Variants in MGAT4C observed in about 807,000 individuals in gnomAD.
MGAT4C encodes the protein alpha-1,3-mannosyl-glycoprotein 4-beta-N-acetylglucosaminyltransferase C.
Under a neutral mutation model 40.1 loss-of-function variants are expected in MGAT4C, and 19 were observed. The observed-to-expected ratio is 0.47, with a 90% CI of 0.33 to 0.70. The LOEUF (loss-of-function observed/expected upper bound fraction) is 0.70. Ranked by LOEUF, MGAT4C falls within the 30% of genes least tolerant of loss-of-function variation. The pLI, the probability that MGAT4C is intolerant of heterozygous loss-of-function variation, is 0.02. For missense variants in MGAT4C, 491 were observed against 563.2 expected, an observed-to-expected ratio of 0.87 and a Z score of 1.30; for synonymous variants, 181 against 187.1, an observed-to-expected ratio of 0.97 and a Z score of 0.27.
intron 1 of MGAT4C, among the ~76,000 whole-genome samples, chr12:86,775,848 AAT>A (rs35313350): frequency 2.0e-5 from 3 of 149,882 alleles, no homozygotes; most frequent in Admixed American, 6.6e-5. Flanking sequence ...TTTACCCTGA[AAT>A]ATATATATAT....
intron 1 of MGAT4C, among the ~76,000 whole-genome samples, chr12:86,764,038 C>A (rs1951453866): frequency 6.6e-6 from 1 of 152,064 alleles, no homozygotes; most frequent in South Asian, 2.1e-4. Flanking sequence ...GTGCACCGTG[C>A]ATGAGCCGAA....
chr12:86,460,498 A>C (rs1957581566), intron 2 of MGAT4C, among the ~76,000 whole-genome samples: 1 of 152,176 alleles, frequency 6.6e-6, no homozygotes, highest in Non-Finnish European at 1.5e-5. Flanking sequence ...TATCACATTA[A>C]AACTTATTAT....
chr12:86,567,824 C>T (rs1416330766), intron 2 of MGAT4C, among the ~76,000 whole-genome samples: 1 of 152,176 alleles, frequency 6.6e-6, no homozygotes, highest in East Asian at 1.9e-4. Flanking sequence ...TGCATGTACA[C>T]ACTTGTACAA....
At chr12:86,700,138 TAGACAGACAGAC>T (rs60647571) in intron 2 of MGAT4C, among the ~76,000 whole-genome samples, 35,487 of 141,970 alleles carry the variant, frequency 0.25, 5,038 homozygotes, top group Non-Finnish European at 0.29. Flanking sequence ...TGTAGATAGA[TAGACAGACAGAC>T]AGACAGACAG....
intron 4 of MGAT4C, among the ~76,000 whole-genome samples, chr12:86,278,014 A>T (rs1953119616): frequency 6.6e-6 from 1 of 152,122 alleles, no homozygotes; most frequent in African/African-American, 2.4e-5. Flanking sequence ...ATATTCTTAC[A>T]ATCCAGGGAA....
At chr12:86,040,890 G>C (rs1250558731) in intron 2 of MGAT4C, among the ~76,000 whole-genome samples, 1 of 152,126 alleles carries the variant, frequency 6.6e-6, no homozygotes, top group Non-Finnish European at 1.5e-5. Context: ...ATCTGGGCCG[G>C]AGTGCATGGT....
intron 1 of MGAT4C, among the ~76,000 whole-genome samples, chr12:86,772,909 T>C (rs1189826549): frequency 6.6e-6 from 1 of 152,058 alleles, no homozygotes; most frequent in African/African-American, 2.4e-5. Context: ...CACCCACACG[T>C]GGATCAAATG....
intron 2 of MGAT4C, among the ~76,000 whole-genome samples, chr12:86,705,934 T>C (rs1455707751): frequency 6.6e-6 from 1 of 152,190 alleles, no homozygotes; most frequent in Non-Finnish European, 1.5e-5. Context: ...GATGCTGTGA[T>C]TGAAGTTCTC....
chr12:86,703,178 G>T (rs2136618260), intron 2 of MGAT4C, among the ~76,000 whole-genome samples: 1 of 152,244 alleles, frequency 6.6e-6, no homozygotes, highest in African/African-American at 2.4e-5. Context: ...GATGAACAAA[G>T]AAAGTGCTTT....
At chr12:86,135,453 C>T (rs763649183) in intron 1 of MGAT4C, among the ~76,000 whole-genome samples, 1 of 151,956 alleles carries the variant, frequency 6.6e-6, no homozygotes, top group African/African-American at 2.4e-5. Flanking sequence ...AGAGTATGTG[C>T]GTGATCTTAT....
At chr12:86,390,527 C>A (rs927503777) in intron 3 of MGAT4C, among the ~76,000 whole-genome samples, 1 of 151,926 alleles carries the variant, frequency 6.6e-6, no homozygotes, top group South Asian at 2.1e-4. Context: ...TAATATAATC[C>A]TGTGTACTTA....
chr12:86,089,297 T>C (rs1872462011), intron 1 of MGAT4C, among the ~76,000 whole-genome samples: 1 of 151,962 alleles, frequency 6.6e-6, no homozygotes, highest in African/African-American at 2.4e-5. Flanking sequence ...TATTTTATTG[T>C]ATTTTTATAA....
intron 3 of MGAT4C, among the ~76,000 whole-genome samples, chr12:86,377,211 C>T (rs988631459): frequency 6.6e-6 from 1 of 152,024 alleles, no homozygotes; most frequent in African/African-American, 2.4e-5. Context: ...AGGCATTCGC[C>T]ACCACGCCTG....
chr12:86,725,654 G>C (rs972465225), intron 2 of MGAT4C, among the ~76,000 whole-genome samples: 1 of 151,982 alleles, frequency 6.6e-6, no homozygotes, highest in Non-Finnish European at 1.5e-5. Flanking sequence ...GTAGAGATGG[G>C]ATTTCACCGT....
At chr12:86,380,196 T>C (rs1955902777) in intron 3 of MGAT4C, among the ~76,000 whole-genome samples, 1 of 152,158 alleles carries the variant, frequency 6.6e-6, no homozygotes, top group African/African-American at 2.4e-5. Flanking sequence ...ATACACATTC[T>C]TTCTACAGAG....
intron 1 of MGAT4C, among the ~76,000 whole-genome samples, chr12:86,070,286 T>C (rs1243927076): frequency 6.6e-6 from 1 of 152,134 alleles, no homozygotes; most frequent in African/African-American, 2.4e-5. Context: ...GCATTTATCA[T>C]CTTTTAATAT....
Position 85,971,476 on chromosome 12 carries a change from A to G in MGAT4C, c.*7813T>C, listed in dbSNP as rs1484481713. On this transcript the variant is annotated 3_prime_UTR_variant, in exon 5 of 5. Transcript: ENST00000611864. ...CACATGACTCATCATTGCCCAAATC[A>G]ATTGCCCAAATCAATTCAAACATCT... 1 of 151,308 alleles carries G rather than the reference A, an allele frequency of 6.6e-6. No individual in the cohort carries two copies. Among genetic ancestry groups the G allele is most frequent in the Non-Finnish European group, 1.5e-5 (1 of 67,400 alleles). 9.4% of individuals were successfully genotyped at this position (151,308 alleles called of 1,614,324 possible).
At chr12:86,284,461 A>C (rs1953298000) in intron 4 of MGAT4C, among the ~76,000 whole-genome samples, 1 of 151,904 alleles carries the variant, frequency 6.6e-6, no homozygotes, top group Admixed American at 6.6e-5. Flanking sequence ...ATTATGCTGA[A>C]GTTTAAACTA....
At chr12:86,200,301 T>C (rs1315137598) in intron 1 of MGAT4C, among the ~76,000 whole-genome samples, 1 of 152,090 alleles carries the variant, frequency 6.6e-6, no homozygotes, top group Non-Finnish European at 1.5e-5. Flanking sequence ...GAACACTTGG[T>C]AGTTTCTAGT....
Sources: gnomAD v4.1 joint callset for allele counts (sites outside exome capture counted in the v4.1 genomes callset) on GRCh38, gnomAD v4.1.1 for gene constraint, MANE v1.5 for transcripts, NCBI Gene and HGNC (gene_info 2026-07-23, HGNC 2026-07-21) for gene names.